Variants in PEX1 observed in about 807,000 individuals in gnomAD.
PEX1 encodes peroxisomal biogenesis factor 1, also known as peroxisomal ATPase PEX1.
PEX1 carries 97 observed loss-of-function variants against 152.5 expected under a neutral mutation model. The ratio of observed to expected loss-of-function variants is 0.64; its 90% CI spans 0.54 to 0.75. The LOEUF (loss-of-function observed/expected upper bound fraction) is 0.75, where lower values mean the gene tolerates loss of function less well. PEX1 is among the 30% of genes least tolerant of loss of function. The pLI is 0.00. For missense variants in PEX1, 1,357 were observed against 1,516.3 expected (o/e 0.89, Z 1.74); for synonymous variants, 485 against 531.6 (o/e 0.91, Z 1.21).
chr7:92,517,294 G>A lies in PEX1; in HGVS notation c.1221C>T (p.Leu407=). ...AIKYTKNVEV[L]HLGKVWIPDD... is the part of the protein sequence containing the mutation. ...TACTAACCCAGACTTTCCCAAGATG[G>A]AGAACTTCTACATTTTTGGTATATT... The change falls in exon 5 of 24, where the codon CTC becomes CTT. Residue 407 remains leucine, a synonymous_variant. Transcript: ENST00000248633. The A allele has an allele frequency of 6.2e-7, 1 of 1,613,598 alleles. No individual in the cohort carries two copies. Among genetic ancestry groups the A allele is most frequent in the Non-Finnish European group, 8.5e-7 (1 of 1,179,688 alleles).
At chr7:92,498,443 T>A (rs1235158841) in intron 16 of PEX1, among the ~76,000 whole-genome samples, 1 of 151,866 alleles carries the variant, frequency 6.6e-6, no homozygotes. Flanking sequence ...CAAGATTGCA[T>A]CACTACACTC....
chr7:92,506,385 G>T, intron 10 of PEX1, 41 bp from the exon 11 acceptor site: 1 of 1,222,466 alleles, frequency 8.2e-7, no homozygotes, highest in Non-Finnish European at 1.2e-6. Flanking sequence ...AATATATTCA[G>T]TCACAGAAAT....
At chr7:92,521,443 A>T (rs575200095) in intron 2 of PEX1, among the ~76,000 whole-genome samples, 233 of 152,126 alleles carry the variant, frequency 1.5e-3, no homozygotes, top group African/African-American at 5.4e-3. Flanking sequence ...TTTATTTTTT[A>T]TTTTTTTTCA....
intron 11 of PEX1, 147 bp from the exon 12 acceptor site, chr7:92,505,049 C>T: frequency 1.5e-6 from 1 of 663,310 alleles, no homozygotes; most frequent in South Asian, 1.7e-5. Flanking sequence ...ATCACAAAAA[C>T]TTGTTCATCA....
intron 2 of PEX1, among the ~76,000 whole-genome samples, chr7:92,521,077 A>G (rs2116262596): frequency 2.0e-5 from 3 of 152,312 alleles, no homozygotes; most frequent in Admixed American, 2.0e-4. Context: ...CTCCTACCTC[A>G]GTCTGCTGAG....
rs929066198 is a variant in PEX1, at chr7:92,511,542, T to A, written c.1483+38A>T. 2.6e-6 allele frequency: 4 copies of A among 1,536,810 alleles called. No individual in the cohort carries two copies. In the African/African-American group the frequency reaches 5.5e-5, roughly 21 times the overall value. On this transcript the variant is annotated intron_variant, in intron 7 of 23. Coordinates refer to ENST00000248633, the MANE Select transcript of PEX1 (RefSeq NM_000466.3). ...GAACAATTAAAAATGTACAACTATTTAAATAGAAAAAAAAGTCAAAATAAC... is the reference window on the plus strand; with the variant it reads ...GAACAATTAAAAATGTACAACTATTAAAATAGAAAAAAAAGTCAAAATAAC...
rs774719262 is a variant in PEX1, at chr7:92,494,551, T to C, written c.2862A>G (p.Thr954=). The part of the protein sequence containing the change: ...SIAPRRGHDN[T]GVTDRVVNQL... ...GGTTAACTACTCGGTCTGTAACTCC[T>C]GTATTATCATGACCCCGCCGAGGAG... is the stretch of plus-strand genomic sequence containing the variant. The change falls in exon 18 of 24, where the codon ACA becomes ACG. Residue 954 remains threonine, a synonymous_variant. Coordinates refer to ENST00000248633, the MANE Select transcript of PEX1 (RefSeq NM_000466.3). The C allele has an allele frequency of 1.2e-6, 2 of 1,613,928 alleles. No individual in the cohort carries two copies.
intron 20 of PEX1, 24 bp downstream of exon 20, chr7:92,492,929 T>C (rs757698800): frequency 6.3e-7 from 1 of 1,587,392 alleles, no homozygotes; most frequent in South Asian, 1.1e-5. Context: ...TAAAATGTCA[T>C]AACAACTTCC....
chr7:92,493,635 T>C (rs1791480508), intron 19 of PEX1: 1 of 153,976 alleles, frequency 6.5e-6, no homozygotes, highest in Admixed American at 6.5e-5. Context: ...TGAGACCTTG[T>C]CTGAAAAACA....
At chr7:92,494,817 TTA>T (rs1208740483) in intron 17 of PEX1, among the ~76,000 whole-genome samples, 188 bp from the exon 18 acceptor site, 1 of 151,196 alleles carries the variant, frequency 6.6e-6, no homozygotes, top group African/African-American at 2.4e-5. Flanking sequence ...ATAAATGTAT[TTA>T]TATATATTTA....
chr7:92,487,782 AAT>A lies in PEX1; in HGVS notation c.3768-243_3768-242del, dbSNP rs79935810. Reference sequence around the variant, plus strand: ...AAAAGATAAAATACAAATGACAATGAATAATATGAAAAATTATAACTTCTACA... The same window carrying A: ...AAAAGATAAAATACAAATGACAATGAAATATGAAAAATTATAACTTCTACA... On this transcript the variant is annotated intron_variant, in intron 23 of 23. Transcript: ENST00000248633. 0.037 allele frequency among the ~76,000 whole-genome samples: 5,664 copies of A among 152,302 alleles called. 351 individuals carry two copies. The highest frequency in any genetic ancestry group is 0.28 in the East Asian group (1,439 of 5,180).
At position 92,517,428 on chromosome 7, in the gene PEX1, C is replaced by CT; in HGVS notation, c.1086dup (p.Glu363ArgfsTer9). On this transcript the variant is annotated frameshift_variant, in exon 5 of 24. Transcript: ENST00000248633. LOFTEE classifies it high-confidence loss of function. ...CTAATTTTTTTTTGATCTAGTGGCT[C>CT]TGACATCTGCTTCTCTTTTTCAGGT... is the stretch of plus-strand genomic sequence containing the variant. 6.2e-7 allele frequency: 1 copy of CT among 1,613,854 alleles called. No individual in the cohort carries two copies. Among genetic ancestry groups the CT allele is most frequent in the East Asian group, 2.2e-5 (1 of 44,844 alleles).
In PEX1 at chr7:92,493,054, C is replaced by T; in HGVS notation, c.3106G>A (p.Ala1036Thr). The T allele has an allele frequency of 6.2e-7, 1 of 1,612,026 alleles. No homozygotes were observed. Among genetic ancestry groups the T allele is most frequent in the South Asian group, 1.1e-5 (1 of 91,050 alleles). ...CCAGTAAAGGAGTCAGTTACTGATG[C>T]TACATGCTGAAGGTCAACATCATCT... ...LADDVDLQHV[A>T]SVTDSFTGAD... Residue 1036 changes from alanine to threonine, a missense_variant, in exon 20 of 24, where the codon GCA becomes ACA. Ala to Thr is a moderately conservative substitution (Grantham distance 58). Transcript: ENST00000248633.
intron 1 of PEX1, 41 bp from the exon 2 acceptor site, chr7:92,522,286 A>T: frequency 6.3e-7 from 1 of 1,595,838 alleles, no homozygotes; most frequent in Non-Finnish European, 8.6e-7. Flanking sequence ...GTTTTCGTAT[A>T]CATTTTTCTG....
rs558862815 is a variant in PEX1 at position 92,488,965 on chromosome 7, C to T, written c.3767+328G>A. On this transcript the variant is annotated intron_variant, in intron 23 of 23. Transcript: ENST00000248633. ...GTTAGGCTTGCCTCGAACTCCTGACCTCAGGTGATCCACCTGCCTTGGCCT... is the reference window on the plus strand; with the variant it reads ...GTTAGGCTTGCCTCGAACTCCTGACTTCAGGTGATCCACCTGCCTTGGCCT... 2.1e-3 allele frequency among the ~76,000 whole-genome samples: 313 copies of T among 152,288 alleles called. 1 individual carries two copies. Among genetic ancestry groups the T allele is most frequent in the African/African-American group, 7.3e-3 (302 of 41,542 alleles).
Position 92,507,055 on chromosome 7 carries a change from C to G in PEX1, c.1742G>C (p.Arg581Pro), listed in dbSNP as rs370483961. The G allele has an allele frequency of 9.3e-6, 15 of 1,613,854 alleles. No homozygotes were observed. The highest frequency in any genetic ancestry group is 1.2e-5 in the Non-Finnish European group (14 of 1,179,932). ...THSLLGRPLSRQLMSLVAGLR... is the reference protein window; with the variant it reads ...THSLLGRPLSPQLMSLVAGLR... ...TCCTGCAACAAGAGACATCAGCTGC[C>G]GAGACAAAGGGCGTCCCAGGAGGCT... Residue 581 changes from arginine (R) to proline (P), a missense_variant, in exon 10 of 24, where the codon CGG becomes CCG. Coordinates refer to ENST00000248633, the MANE Select transcript of PEX1 (RefSeq NM_000466.3).
intron 14 of PEX1, 41 bp downstream of exon 14, chr7:92,501,849 G>C (rs760874253): frequency 6.5e-7 from 1 of 1,535,656 alleles, no homozygotes; most frequent in Non-Finnish European, 9.0e-7. Flanking sequence ...CTCCACAATA[G>C]AAAGAAGATT....
intron 21 of PEX1, chr7:92,490,253 GA>G (rs1791220395): frequency 3.7e-6 from 1 of 273,676 alleles, no homozygotes; most frequent in Non-Finnish European, 7.0e-6. Context: ...TTTCTAAATA[GA>G]ATAAATTAAA....
chr7:92,507,290 GC>G lies in PEX1; in HGVS notation c.1671-165del, dbSNP rs1403836009. On this transcript the variant is annotated intron_variant, in intron 9 of 23. Coordinates refer to ENST00000248633, the MANE Select transcript of PEX1 (RefSeq NM_000466.3). ...GGCTTGCTGTGTCATCCAGGCTGGA[GC>G]GCAGTGGTGTGAACCCAGCTCCCTG... is the stretch of plus-strand genomic sequence containing the variant. 13 of 597,976 alleles carry G rather than the reference GC, an allele frequency of 2.2e-5. No homozygotes were observed. The Admixed American group carries it at 3.8e-4, about 17-fold the overall frequency. The allele number at this position is 597,976 out of a possible 1,614,324, so 37.0% of individuals were successfully genotyped here.
Sources: gnomAD v4.1 joint callset for allele counts (sites outside exome capture counted in the v4.1 genomes callset) on GRCh38, gnomAD v4.1.1 for gene constraint, MANE v1.5 for transcripts, NCBI Gene and HGNC (gene_info 2026-07-23, HGNC 2026-07-21) for gene names.